The following DCDC1 variants were observed in gnomAD, a reference collection of about 807,000 sequenced individuals.
The protein encoded by DCDC1 is doublecortin domain-containing protein 1.
Under a neutral mutation model 178.3 loss-of-function variants are expected in DCDC1, and 200 were observed. The observed-to-expected ratio is 1.12, with a 90% CI of 1.00 to 1.26. The LOEUF (loss-of-function observed/expected upper bound fraction) is 1.26, where lower values mean the gene tolerates loss of function less well. DCDC1 is among the 50% of genes most tolerant of loss of function. DCDC1 has a pLI of 0.00. For synonymous variants in DCDC1, 690 were observed against 604.8 expected, an observed-to-expected ratio of 1.14 and a Z score of -2.07; for missense variants, 1,983 against 1,749.2, an observed-to-expected ratio of 1.13 and a Z score of -2.38.
rs1565147912 is a variant in DCDC1, at chr11:30,978,828, C to CACACACACACACA, written c.2592-26261_2592-26260insTGTGTGTGTGTGT. 1.3e-3 allele frequency among the ~76,000 whole-genome samples: 169 copies of CACACACACACACA among 127,150 alleles called. 4 individuals are homozygous for CACACACACACACA. The highest frequency in any genetic ancestry group is 4.4e-3 in the African/African-American group (134 of 30,254). The allele number at this position is 127,150 out of a possible 152,430, so 83.4% of individuals were successfully genotyped here. On this transcript the variant is annotated intron_variant, in intron 20 of 38. Coordinates refer to ENST00000684477, the MANE Select transcript of DCDC1 (RefSeq NM_001387274.1). ...CACACACACACACACACACACACAC[C>CACACACACACACA]CCCTTCTCAGCCTCTGGTATCTATC... is the stretch of plus-strand genomic sequence containing the variant.
chr11:31,346,801 ATTGT>A (rs1419560571), intron 1 of DCDC1, among the ~76,000 whole-genome samples: 20 of 152,210 alleles, frequency 1.3e-4, no homozygotes, highest in African/African-American at 4.8e-4. Context: ...ACAGCTGATG[ATTGT>A]TTAACTTGGG....
chr11:31,101,206 G>C (rs1218599978), intron 15 of DCDC1, among the ~76,000 whole-genome samples: 1 of 152,166 alleles, frequency 6.6e-6, no homozygotes, highest in Non-Finnish European at 1.5e-5. Context: ...CTCTGTCTCT[G>C]TGAGTGACTT....
chr11:30,923,986 T>G (rs777877048), intron 23 of DCDC1, among the ~76,000 whole-genome samples: 1 of 152,146 alleles, frequency 6.6e-6, no homozygotes, highest in Non-Finnish European at 1.5e-5. Context: ...TAACTAACTG[T>G]TTATGTTTCC....
At chr11:31,093,375 A>G (rs1957933182) in intron 16 of DCDC1, among the ~76,000 whole-genome samples, 1 of 152,222 alleles carries the variant, frequency 6.6e-6, no homozygotes, top group African/African-American at 2.4e-5. Context: ...GCTAAGTAGT[A>G]GCAAAATCAT....
intron 1 of DCDC1, among the ~76,000 whole-genome samples, chr11:31,342,669 T>C (rs1950608589): frequency 6.6e-6 from 1 of 152,142 alleles, no homozygotes; most frequent in African/African-American, 2.4e-5. Context: ...AAATCTTTCA[T>C]AGGTTGAGTC....
At chr11:31,090,468 T>A (rs1957754332) in intron 17 of DCDC1, among the ~76,000 whole-genome samples, 1 of 152,168 alleles carries the variant, frequency 6.6e-6, no homozygotes, top group African/African-American at 2.4e-5. Flanking sequence ...GTAAAGATAA[T>A]AATGATACCT....
At position 30,963,927 on chromosome 11, in the gene DCDC1, T is replaced by C. The variant is rs1052294968; in HGVS notation, c.2592-11359A>G. On this transcript the variant is annotated intron_variant, in intron 20 of 38. Transcript: ENST00000684477. ...AAATTTTCATGTGTTTCTGCCACCATTAAGTCATATCCTTCCTAATTCTCA... is the reference window on the plus strand; with the variant it reads ...AAATTTTCATGTGTTTCTGCCACCACTAAGTCATATCCTTCCTAATTCTCA... Among the ~76,000 whole-genome samples the C allele has an allele frequency of 3.3e-5, 5 of 152,288 alleles. No homozygotes were observed. In the East Asian group the frequency reaches 7.7e-4, roughly 24 times the overall value.
At chr11:31,206,092 T>C (rs1390097363) in intron 9 of DCDC1, among the ~76,000 whole-genome samples, 2 of 152,196 alleles carry the variant, frequency 1.3e-5, no homozygotes, top group Admixed American at 1.3e-4. Flanking sequence ...TAAAATACTT[T>C]CCTCTATCTT....
chr11:31,191,945 G>GT (rs1338098673), intron 9 of DCDC1, among the ~76,000 whole-genome samples: 1 of 151,940 alleles, frequency 6.6e-6, no homozygotes, highest in Non-Finnish European at 1.5e-5. Flanking sequence ...AAACTTCATT[G>GT]TATCTCTTGG....
At chr11:30,948,800 A>G (rs774215051) in intron 21 of DCDC1, among the ~76,000 whole-genome samples, 14 of 152,202 alleles carry the variant, frequency 9.2e-5, no homozygotes, top group Non-Finnish European at 1.9e-4. Flanking sequence ...CTGGCTAGCA[A>G]TATGCAGAAA....
At chr11:31,311,957 A>G (rs948021199) in intron 3 of DCDC1, among the ~76,000 whole-genome samples, 1 of 152,114 alleles carries the variant, frequency 6.6e-6, no homozygotes, top group African/African-American at 2.4e-5. Flanking sequence ...GTCCATGCCA[A>G]GGTACTACCT....
At chr11:31,005,687 C>T (rs1284202168) in intron 20 of DCDC1, among the ~76,000 whole-genome samples, 1 of 151,908 alleles carries the variant, frequency 6.6e-6, no homozygotes, top group African/African-American at 2.4e-5. Flanking sequence ...GATTCCATAC[C>T]ACTTTCTTCT....
At chr11:31,229,877 T>C (rs528162702) in intron 9 of DCDC1, among the ~76,000 whole-genome samples, 1 of 152,226 alleles carries the variant, frequency 6.6e-6, no homozygotes, top group Non-Finnish European at 1.5e-5. Flanking sequence ...ATAAAAGCCA[T>C]ATATGAAAAG....
Position 31,065,062 on chromosome 11 carries a change from C to T in DCDC1, c.2390G>A (p.Trp797Ter). The stretch of plus-strand genomic sequence containing the variant: ...GCCATGTTCCTGATGAGCTGTGGTC[C>T]AGGCACCATGGTGAATGTGATACTC... ...QTEYHIHHGA[W>*]TTAHQEHGRN... is the part of the protein sequence containing the mutation. The change falls in exon 19 of 39, where the codon TGG becomes TAG. Residue 797 changes from tryptophan (W) to a stop codon, truncating the protein, a stop_gained. Transcript: ENST00000684477. LOFTEE classifies it high-confidence loss of function. 1.3e-6 allele frequency: 1 copy of T among 765,254 alleles called. No individual in the cohort carries two copies. Among genetic ancestry groups the T allele is most frequent in the Non-Finnish European group, 2.4e-6 (1 of 417,396 alleles). 47.4% of individuals were successfully genotyped at this position (765,254 alleles called of 1,614,324 possible). A position where few individuals can be genotyped will look rare whatever the true frequency, so the allele number is the denominator to read the frequency against.
intron 20 of DCDC1, among the ~76,000 whole-genome samples, chr11:31,036,226 T>C (rs1387854029): frequency 6.6e-6 from 1 of 152,230 alleles, no homozygotes; most frequent in Non-Finnish European, 1.5e-5. Context: ...ATTTGTTGAC[T>C]GTGCTTCAAC....
intron 18 of DCDC1, among the ~76,000 whole-genome samples, chr11:31,075,492 A>G (rs1229629872): frequency 6.6e-6 from 1 of 152,190 alleles, no homozygotes; most frequent in African/African-American, 2.4e-5. Flanking sequence ...AGGTTGCACT[A>G]TAATAATTTA....
chr11:30,933,879 T>C (rs1236864383), intron 21 of DCDC1, among the ~76,000 whole-genome samples: 1 of 152,238 alleles, frequency 6.6e-6, no homozygotes, highest in Non-Finnish European at 1.5e-5. Context: ...TCTCTGCCAG[T>C]TCACTGGCTA....
chr11:31,233,018 G>A (rs1395887372), intron 9 of DCDC1, among the ~76,000 whole-genome samples: 1 of 151,848 alleles, frequency 6.6e-6, no homozygotes, highest in Non-Finnish European at 1.5e-5. Flanking sequence ...AATCTGGGAG[G>A]TGGAGGTTGC....
chr11:31,345,979 T>C (rs1208758481), intron 1 of DCDC1, among the ~76,000 whole-genome samples: 1 of 152,182 alleles, frequency 6.6e-6, no homozygotes, highest in Admixed American at 6.5e-5. Context: ...TGATATACTA[T>C]TGATTCACAT....
Sources: allele counts gnomAD v4.1 joint callset (sites outside exome capture counted in the v4.1 genomes callset), GRCh38; gene constraint gnomAD v4.1.1; transcripts MANE v1.5; gene names NCBI Gene and HGNC (gene_info 2026-07-23, HGNC 2026-07-21).